Variants in MILR1 observed in about 807,000 individuals in gnomAD.
MILR1 encodes mast cell immunoglobulin like receptor 1.
In MILR1, 31 loss-of-function variants were observed where a neutral mutation model predicts 18.5. The observed-to-expected ratio is 1.68, with a 90% confidence interval of 1.26 to 2.26. The LOEUF (loss-of-function observed/expected upper bound fraction) is 2.26. Ranked by LOEUF, MILR1 falls within the 30% of genes most tolerant of loss-of-function variation. MILR1 has a pLI of 0.00. For missense variants in MILR1, 257 were observed against 157.4 expected, an observed-to-expected ratio of 1.63 and a Z score of -3.38; for synonymous variants, 85 against 56.2, an observed-to-expected ratio of 1.51 and a Z score of -2.30.
rs1208724779 is a variant in MILR1 at position 64,457,668 on chromosome 17, C to T, written c.636C>T (p.Val212=). Residue 212 remains valine (V), a synonymous_variant, in exon 4 of 10, where the codon GTC becomes GTT. Transcript: ENST00000619286. ...ACTATGCAACATACAGTCACCCTGTCACCATGCCCTCAACAGGTAAGAGCA... is the reference window on the plus strand; with the variant it reads ...ACTATGCAACATACAGTCACCCTGTTACCATGCCCTCAACAGGTAAGAGCA... The part of the protein sequence containing the change: ...LPNYATYSHP[V]TMPSTGGDSC... The T allele has an allele frequency of 2.1e-6, 1 of 474,696 alleles. No individual in the cohort carries two copies. Among genetic ancestry groups the T allele is most frequent in the Non-Finnish European group, 3.9e-6 (1 of 259,080 alleles). 29.4% of individuals were successfully genotyped at this position (474,696 alleles called of 1,614,324 possible).
At chr17:64,452,428 T>A (rs1023684513) in intron 2 of MILR1, among the ~76,000 whole-genome samples, 169 bp from the exon 3 acceptor site, 3 of 151,940 alleles carry the variant, frequency 2.0e-5, no homozygotes, top group Non-Finnish European at 4.4e-5. Flanking sequence ...AATTTTTGTA[T>A]TTTTAGTAGA....
the MILR1 span, chr17:64,485,645 T>C: frequency 1.3e-5 from 15 of 1,119,368 alleles, no homozygotes; most frequent in African/African-American, 2.0e-4. Flanking sequence ...GAGTTTATGT[T>C]AGAAACCGAG....
intron 4 of MILR1, among the ~76,000 whole-genome samples, chr17:64,459,823 A>G (rs1334388526): frequency 6.6e-6 from 1 of 152,210 alleles, no homozygotes; most frequent in East Asian, 1.9e-4. Context: ...GCCAGGGCTC[A>G]GGGCCTTGCC....
chr17:64,452,553 A>G (rs1218906342), intron 2 of MILR1, 44 bp from the exon 3 acceptor site: 4 of 412,860 alleles, frequency 9.7e-6, no homozygotes, highest in Non-Finnish European at 8.8e-6. Flanking sequence ...TTGCCCGGCC[A>G]GGATCTTAAG....
chr17:64,492,763 C>G, the MILR1 span: 1 of 1,609,892 alleles, frequency 6.2e-7, no homozygotes, highest in South Asian at 1.1e-5. Context: ...CTTCAGTCTT[C>G]TCACCAATAC....
At chr17:64,468,228 G>T in intron 9 of MILR1, 82 bp from the exon 10 acceptor site, 1 of 456,026 alleles carries the variant, frequency 2.2e-6, no homozygotes, top group East Asian at 7.0e-5. Context: ...GACATTGCTT[G>T]TGGTTGCCTC....
At position 64,453,836 on chromosome 17, in the gene MILR1, C is replaced by G. The variant is rs1236143867; in HGVS notation, c.367+970C>G. On this transcript the variant is annotated intron_variant, in intron 3 of 9. Coordinates refer to ENST00000619286, the MANE Select transcript of MILR1 (RefSeq NM_001085423.2). ...CCTGGAGTCTTCAAAGCGTAGGGAC[C>G]CTGACTTCCTGATAACTCTTGAGTG... Among the ~76,000 whole-genome samples, 5 of 152,206 alleles carry G rather than the reference C, an allele frequency of 3.3e-5. 1 individual carries two copies. The South Asian group carries it at 1.0e-3, about 32-fold the overall frequency.
the MILR1 span, chr17:64,496,892 T>A: frequency 6.2e-7 from 1 of 1,613,138 alleles, no homozygotes; most frequent in African/African-American, 1.3e-5. Context: ...CTGCCCCGCA[T>A]CTACTCGACC....
At chr17:64,475,723 G>T in the MILR1 span, among the ~76,000 whole-genome samples, 1 of 149,852 alleles carries the variant, frequency 6.7e-6, no homozygotes, top group East Asian at 2.0e-4. Context: ...CATTTTGCAA[G>T]CTTTAATGAA....
chr17:64,461,086 G>A (rs2037421814), intron 5 of MILR1, among the ~76,000 whole-genome samples, 154 bp downstream of exon 5: 1 of 152,056 alleles, frequency 6.6e-6, no homozygotes, highest in South Asian at 2.1e-4. Flanking sequence ...GGGCGGGAAT[G>A]GAATAGACTT....
At chr17:64,449,581 A>G (rs1184768457) in intron 2 of MILR1, among the ~76,000 whole-genome samples, 1 of 152,194 alleles carries the variant, frequency 6.6e-6, no homozygotes, top group African/African-American at 2.4e-5. Flanking sequence ...TGTTTTCACA[A>G]TGAAAGTTTT....
At chr17:64,449,383 G>T (rs2037114429) in intron 2 of MILR1, 28 bp downstream of exon 2, 2 of 451,786 alleles carry the variant, frequency 4.4e-6, no homozygotes, top group Non-Finnish European at 4.1e-6. Flanking sequence ...CTTTCTTATT[G>T]AAACCATTTT....
the MILR1 span, chr17:64,490,812 T>C: frequency 6.2e-7 from 1 of 1,612,992 alleles, no homozygotes; most frequent in Non-Finnish European, 8.5e-7. Flanking sequence ...TTTAGACACA[T>C]TGCCAGGATA....
the MILR1 span, among the ~76,000 whole-genome samples, chr17:64,474,099 G>C: frequency 6.6e-6 from 1 of 152,060 alleles, no homozygotes; most frequent in Non-Finnish European, 1.5e-5. Flanking sequence ...TTTGGAGATG[G>C]AGTCTCACCC....
the MILR1 span, among the ~76,000 whole-genome samples, chr17:64,475,807 CCTTT>C: frequency 3.6e-5 from 5 of 140,646 alleles, 1 homozygote; most frequent in South Asian, 2.2e-4. Flanking sequence ...ACTACCACTT[CCTTT>C]TTTTTTTTTT....
the MILR1 span, chr17:64,490,873 C>T: frequency 4.3e-6 from 7 of 1,613,100 alleles, no homozygotes; most frequent in Non-Finnish European, 5.9e-6. Flanking sequence ...TCTATTAACT[C>T]CTTTCCCCAG....
chr17:64,463,069 A>G (rs1169687078), intron 5 of MILR1, among the ~76,000 whole-genome samples: 1 of 152,210 alleles, frequency 6.6e-6, no homozygotes, highest in African/African-American at 2.4e-5. Context: ...GACTCAAAAA[A>G]ACAAAAACAG....
In MILR1 at chr17:64,452,706, G is replaced by T; in HGVS notation, c.207G>T (p.Leu69Phe). 2.1e-6 allele frequency: 1 copy of T among 475,022 alleles called. No individual in the cohort carries two copies. 29.4% of individuals were successfully genotyped at this position (475,022 alleles called of 1,614,324 possible). A position where few individuals can be genotyped will look rare whatever the true frequency, so the allele number is the denominator to read the frequency against. Reference sequence around the variant, plus strand: ...AATCACTGCAGATCACCTATTCATTGTTTCGACGTAAGACACACCTGGGAA... The same window carrying T: ...AATCACTGCAGATCACCTATTCATTTTTTCGACGTAAGACACACCTGGGAA... ...KNKSLQITYS[L>F]FRRKTHLGTQ... Residue 69 changes from leucine to phenylalanine, a missense_variant, in exon 3 of 10, where the codon TTG becomes TTT. By Grantham distance (22) the Leu-to-Phe change is conservative. Transcript: ENST00000619286.
chr17:64,461,674 C>T (rs1020861345), intron 5 of MILR1, among the ~76,000 whole-genome samples: 2 of 152,140 alleles, frequency 1.3e-5, no homozygotes, highest in Non-Finnish European at 1.5e-5. Context: ...GCATTAAGCA[C>T]GTTCCCATTG....
Sources: gnomAD v4.1 joint callset for allele counts (sites outside exome capture counted in the v4.1 genomes callset) on GRCh38, gnomAD v4.1.1 for gene constraint, MANE v1.5 for transcripts, NCBI Gene and HGNC (gene_info 2026-07-23, HGNC 2026-07-21) for gene names.